Variants in TTN observed in about 807,000 individuals in gnomAD.
TTN encodes connectin.
A neutral mutation model predicts 3,223.0 loss-of-function variants in TTN; 1,525 were observed. The observed-to-expected ratio is 0.47, with a 90% CI of 0.45 to 0.49. The LOEUF is 0.49. Ranked by LOEUF, TTN falls within the 20% of genes least tolerant of loss-of-function variation. The pLI is 0.00. For synonymous variants in TTN, 14,094 were observed against 15,161.0 expected (o/e 0.93, Z 5.17); for missense variants, 40,786 against 43,424.0 (o/e 0.94, Z 5.40).
chr2:178,792,026 G>C, intron 10 of TTN, 46 bp downstream of exon 10: 1 of 1,598,506 alleles, frequency 6.3e-7, no homozygotes, highest in Non-Finnish European at 8.5e-7. Context: ...TGGCTGTAAT[G>C]TGATATTGTC....
Position 178,609,478 on chromosome 2 carries a change from T to A in TTN, c.51832A>T (p.Thr17278Ser). 1 of 1,612,548 alleles carries A rather than the reference T, an allele frequency of 6.2e-7. No individual in the cohort carries two copies. The highest frequency in any genetic ancestry group is 8.5e-7 in the Non-Finnish European group (1 of 1,179,134). Residue 17278 changes from threonine (T) to serine (S), a missense_variant, in exon 273 of 363, where the codon ACT (threonine) becomes TCT (serine). Coordinates refer to ENST00000589042, the MANE Select transcript of TTN (RefSeq NM_001267550.2). ...DASISGSPYP[T>S]ITWIKDENVI... Reference sequence around the variant, plus strand: ...TTTTCATCCTTTATCCATGTAATAGTTGGGTAAGGTGATCCAGAAATACTT... The same window carrying A: ...TTTTCATCCTTTATCCATGTAATAGATGGGTAAGGTGATCCAGAAATACTT...
In TTN at chr2:178,587,534, C is replaced by T. The variant is rs371286595; in HGVS notation, c.63775G>A (p.Val21259Ile). 3.2e-5 allele frequency: 51 copies of T among 1,608,742 alleles called. No homozygotes were observed. Among genetic ancestry groups the T allele is most frequent in the African/African-American group, 2.9e-4 (22 of 74,666 alleles). Reference sequence around the variant, plus strand: ...AACCCACCTAATACTCTGACATTTACGAATACAGCCTTTTCTCCTGCTGGG... The same window carrying T: ...AACCCACCTAATACTCTGACATTTATGAATACAGCCTTTTCTCCTGCTGGG... The part of the protein sequence containing the change: ...VNPAGEKAVF[V>I]NVRVLDTPGP... The change falls in exon 306 of 363, where the codon GTA becomes ATA. Residue 21259 changes from valine to isoleucine, a missense_variant. Transcript: ENST00000589042.
Position 178,578,636 on chromosome 2 carries a change from C to T in TTN, c.68304G>A (p.Lys22768=), listed in dbSNP as rs776267206. 33 of 1,611,686 alleles carry T rather than the reference C, an allele frequency of 2.0e-5. No homozygotes were observed. The highest frequency in any genetic ancestry group is 2.0e-5 in the Non-Finnish European group (24 of 1,178,890). Residue 22768 remains lysine, a synonymous_variant, in exon 321 of 363, where the codon AAG becomes AAA. Transcript: ENST00000589042. The part of the protein sequence containing the change: ...DSVSLTWTDP[K]KTGGSPITGY... ...CTGTAATTGGAGAACCACCAGTTTT[C>T]TTGGGGTCAGTCCAAGTTAGAGATA... is the stretch of plus-strand genomic sequence containing the variant.
chr2:178,558,449 C>G lies in TTN; in HGVS notation c.87010G>C (p.Gly29004Arg). 2 of 1,613,730 alleles carry G rather than the reference C, an allele frequency of 1.2e-6. No homozygotes were observed. Among genetic ancestry groups the G allele is most frequent in the East Asian group, 2.2e-5 (1 of 44,802 alleles). ...AAGTATTCAGAATTCTCTCTCAGAC[C>G]GGAAACAACGTGATGGGTTGACTTT... ...VAKSTHHVVS[G>R]LRENSEYFFR... Residue 29004 changes from glycine to arginine, a missense_variant, in exon 327 of 363, where the codon GGT (glycine) becomes CGT (arginine). By Grantham distance (125) the Gly-to-Arg change is moderately radical (BLOSUM62 -2). Coordinates refer to ENST00000589042, the MANE Select transcript of TTN (RefSeq NM_001267550.2).
rs1688780519 is a variant in TTN, at chr2:178,530,798, G to T, written c.105817C>A (p.Pro35273Thr). 6.2e-7 allele frequency: 1 copy of T among 1,613,874 alleles called. No individual in the cohort carries two copies. Among genetic ancestry groups the T allele is most frequent in the Non-Finnish European group, 8.5e-7 (1 of 1,179,878 alleles). ...GGGAGGTGCTGAACTTTCTCTGTTG[G>T]TGTTGGTTTTGTCTCTGTGGGTGAT... is the stretch of plus-strand genomic sequence containing the variant. Reference protein sequence around the residue: ...AVSPTETKPTPTEKVQHLPVS... With the variant: ...AVSPTETKPTTTEKVQHLPVS... The change falls in exon 358 of 363, where the codon CCA (proline) becomes ACA (threonine). Residue 35273 changes from proline to threonine, a missense_variant. Physicochemically the swap from Pro to Thr is conservative, Grantham distance 38. Coordinates refer to ENST00000589042, the MANE Select transcript of TTN (RefSeq NM_001267550.2).
Position 178,539,806 on chromosome 2 carries a change from T to C in TTN, c.98259A>G (p.Thr32753=), listed in dbSNP as rs794727538. The C allele has an allele frequency of 1.9e-6, 3 of 1,613,902 alleles. No homozygotes were observed. Among genetic ancestry groups the C allele is most frequent in the Non-Finnish European group, 2.5e-6 (3 of 1,179,790 alleles). ...QDISKRAMIA[T]SETHTELVIK... The stretch of plus-strand genomic sequence containing the variant: ...TCACAAGCTCAGTGTGTGTTTCAGA[T>C]GTTGCAATCATGGCACGCTTACTAA... Residue 32753 remains threonine (T), a synonymous_variant, in exon 352 of 363, where the codon ACA becomes ACG. Coordinates refer to ENST00000589042, the MANE Select transcript of TTN (RefSeq NM_001267550.2).
chr2:178,558,478 A>G lies in TTN; in HGVS notation c.86981T>C (p.Val28994Ala), dbSNP rs1215210190. 8.7e-6 allele frequency: 14 copies of G among 1,613,724 alleles called. No homozygotes were observed. The East Asian group carries it at 8.9e-5, about 10-fold the overall frequency. Reference protein sequence around the residue: ...KGQKNWVKCAVAKSTHHVVSG... With the variant: ...KGQKNWVKCAAAKSTHHVVSG... The stretch of plus-strand genomic sequence containing the variant: ...AACAACGTGATGGGTTGACTTTGCC[A>G]CTGCACATTTAACCCAGTTTTTCTG... Residue 28994 changes from valine to alanine, a missense_variant, in exon 327 of 363, where the codon GTG becomes GCG. Val to Ala is a moderately conservative substitution (Grantham distance 64). Transcript: ENST00000589042.
chr2:178,722,747 T>C lies in TTN; in HGVS notation c.22152A>G (p.Lys7384=). The change falls in exon 76 of 363, where the codon AAA becomes AAG. Residue 7384 remains lysine (K), a synonymous_variant. Transcript: ENST00000589042. Reference sequence around the variant, plus strand: ...ACTCTCCACTGTCATTGATGTTCACTTTATTAAAAACAAGTGTGGCCACAT... The same window carrying C: ...ACTCTCCACTGTCATTGATGTTCACCTTATTAAAAACAAGTGTGGCCACAT... The part of the protein sequence containing the change: ...TNNVATLVFN[K]VNINDSGEYT... 6.2e-7 allele frequency: 1 copy of C among 1,613,316 alleles called. No individual in the cohort carries two copies. Among genetic ancestry groups the C allele is most frequent in the Non-Finnish European group, 8.5e-7 (1 of 1,179,526 alleles).
chr2:178,714,324 A>G lies in TTN; in HGVS notation c.26450T>C (p.Met8817Thr), dbSNP rs1469529188. The change falls in exon 91 of 363, where the codon ATG becomes ACG. Residue 8817 changes from methionine (M) to threonine (T), a missense_variant. Physicochemically the swap from Met to Thr is moderately conservative, Grantham distance 81. Coordinates refer to ENST00000589042, the MANE Select transcript of TTN (RefSeq NM_001267550.2). ...GGATAGCGTGGCGAAGCACTCTTGC[A>G]TCCCAGCATCGTTTTTGATCTGACA... ...YTCQIKNDAGMQECFATLSVL... is the reference protein window; with the variant it reads ...YTCQIKNDAGTQECFATLSVL... 14 of 1,613,584 alleles carry G rather than the reference A, an allele frequency of 8.7e-6. No individual in the cohort carries two copies. The highest frequency in any genetic ancestry group is 1.2e-5 in the Non-Finnish European group (14 of 1,179,524).
chr2:178,530,433 T>C lies in TTN; in HGVS notation c.106182A>G (p.Lys35394=). ...TTGACTCAGTGGTTTTCTGATCTGATTTCTTAGTTTCTGATATTTTTGATA... is the reference window on the plus strand; with the variant it reads ...TTGACTCAGTGGTTTTCTGATCTGACTTCTTAGTTTCTGATATTTTTGATA... ...EKVSKISETK[K]SDQKTTESTV... The change falls in exon 358 of 363, where the codon AAA becomes AAG. Residue 35394 remains lysine (K), a synonymous_variant. Coordinates refer to ENST00000589042, the MANE Select transcript of TTN (RefSeq NM_001267550.2). The C allele has an allele frequency of 6.2e-7, 1 of 1,613,996 alleles. No homozygotes were observed. The highest frequency in any genetic ancestry group is 8.5e-7 in the Non-Finnish European group (1 of 1,179,878).
In TTN at chr2:178,732,710, T is replaced by A; in HGVS notation, c.16351A>T (p.Ser5451Cys). ...SGALIVQEPP[S>C]FVTKPGSKDV... ...TTTGAGCCGGGTTTAGTTACAAAAC[T>A]GGGTGGTTCTGAAGAAGGGGTATAA... Residue 5451 changes from serine to cysteine, a missense_variant, in exon 56 of 363, where the codon AGT (serine) becomes TGT (cysteine). Coordinates refer to ENST00000589042, the MANE Select transcript of TTN (RefSeq NM_001267550.2). 7 of 1,588,862 alleles carry A rather than the reference T, an allele frequency of 4.4e-6. No homozygotes were observed. Among genetic ancestry groups the A allele is most frequent in the Non-Finnish European group, 6.0e-6 (7 of 1,167,968 alleles).
Position 178,533,105 on chromosome 2 carries a change from T to G in TTN, c.103510A>C (p.Arg34504=). 6.2e-7 allele frequency: 1 copy of G among 1,614,006 alleles called. No homozygotes were observed. Among genetic ancestry groups the G allele is most frequent in the Non-Finnish European group, 8.5e-7 (1 of 1,179,882 alleles). ...PLTQVAKEAL[R]EAAVLYKPAV... Reference sequence around the variant, plus strand: ...GGTTTATAAAGGACAGCAGCTTCTCTCAGAGCCTCTTTAGCTACCTGTGTC... The same window carrying G: ...GGTTTATAAAGGACAGCAGCTTCTCGCAGAGCCTCTTTAGCTACCTGTGTC... Residue 34504 remains arginine (R), a synonymous_variant, in exon 358 of 363, where the codon AGA becomes CGA. Transcript: ENST00000589042.
chr2:178,629,475 A>G (rs376730183), intron 239 of TTN, 32 bp from the exon 240 acceptor site: 38 of 1,610,814 alleles, frequency 2.4e-5, no homozygotes, highest in Non-Finnish European at 3.1e-5. Context: ...GCTTTGCGTT[A>G]CTCATTTTGT....
chr2:178,734,111 T>C (rs763974548), intron 52 of TTN, among the ~76,000 whole-genome samples: 16 of 152,186 alleles, frequency 1.1e-4, no homozygotes, highest in Non-Finnish European at 1.9e-4. Context: ...AAATGGCTTA[T>C]TATTCCCTTT....
chr2:178,668,733 C>CAA (rs1372370526), intron 159 of TTN, among the ~76,000 whole-genome samples: 19 of 61,872 alleles, frequency 3.1e-4, no homozygotes, highest in African/African-American at 8.1e-4. Flanking sequence ...GATTCCATCT[C>CAA]AAAAAAAAAA....
At position 178,773,903 on chromosome 2, in the gene TTN, G is replaced by A. The variant is rs1365893831; in HGVS notation, c.7265C>T (p.Ala2422Val). The A allele has an allele frequency of 6.2e-7, 1 of 1,613,920 alleles. No individual in the cohort carries two copies. Among genetic ancestry groups the A allele is most frequent in the Non-Finnish European group, 8.5e-7 (1 of 1,179,970 alleles). ...LLIEDMTKED[A>V]GNYSFTIPAL... Reference sequence around the variant, plus strand: ...TGGAATGGTGAAAGAGTAATTTCCAGCATCTTCCTTAGTCATGTCTTCAAT... The same window carrying A: ...TGGAATGGTGAAAGAGTAATTTCCAACATCTTCCTTAGTCATGTCTTCAAT... The change falls in exon 31 of 363, where the codon GCT (alanine) becomes GTT (valine). Residue 2422 changes from alanine to valine, a missense_variant. Transcript: ENST00000589042.
chr2:178,745,660 A>C, intron 47 of TTN: 2 of 1,612,384 alleles, frequency 1.2e-6, no homozygotes, highest in Non-Finnish European at 8.5e-7. Context: ...ACTCTCCTTC[A>C]TCACTCTTTA....
rs749849370 is a variant in TTN, at chr2:178,604,077, C to G, written c.54610G>C (p.Glu18204Gln). 11 of 1,612,752 alleles carry G rather than the reference C, an allele frequency of 6.8e-6. No individual in the cohort carries two copies. The highest frequency in any genetic ancestry group is 1.7e-5 in the Admixed American group (1 of 59,946). ...TAAGGACTTCCCTCTTCTCTTTTCT[C>G]CAGCCAGTAGCCAGTAATTGGAGAG... ...GGSPITGYWL[E>Q]KREEGSPYWS... The change falls in exon 282 of 363, where the codon GAG becomes CAG. Residue 18204 changes from glutamate to glutamine, a missense_variant. Glu to Gln is a conservative substitution (Grantham distance 29). Coordinates refer to ENST00000589042, the MANE Select transcript of TTN (RefSeq NM_001267550.2).
In TTN at chr2:178,726,013, A is replaced by G; in HGVS notation, c.20309T>C (p.Val6770Ala). ...GACTTCAGCATTTTTAAGGGTTTCT[A>G]CTATAGGAGGGAAGCTGCTAAAAAC... ...PPVFSSFPPI[V>A]ETLKNAEVSL... The change falls in exon 70 of 363, where the codon GTA becomes GCA. Residue 6770 changes from valine to alanine, a missense_variant. Val to Ala is a moderately conservative substitution (Grantham distance 64). Coordinates refer to ENST00000589042, the MANE Select transcript of TTN (RefSeq NM_001267550.2). 1 of 1,558,796 alleles carries G rather than the reference A, an allele frequency of 6.4e-7. No individual in the cohort carries two copies. The highest frequency in any genetic ancestry group is 1.2e-5 in the South Asian group (1 of 81,458).
Sources: gnomAD v4.1 joint callset for allele counts (sites outside exome capture counted in the v4.1 genomes callset) on GRCh38, gnomAD v4.1.1 for gene constraint, MANE v1.5 for transcripts, NCBI Gene and HGNC (gene_info 2026-07-23, HGNC 2026-07-21) for gene names.